The following BRINP3 variants were observed in gnomAD, a reference collection of about 807,000 sequenced individuals.
BRINP3 encodes BMP/retinoic acid inducible neural specific 3, also known as BMP/retinoic acid-inducible neural-specific protein 3.
Under a neutral mutation model 71.0 loss-of-function variants are expected in BRINP3, and 19 were observed. That is an observed-to-expected ratio of 0.27 (90% CI 0.19 to 0.39). The LOEUF (loss-of-function observed/expected upper bound fraction) is 0.39, where lower values mean the gene tolerates loss of function less well. BRINP3 is among the 10% of genes least tolerant of loss of function. The probability of loss-of-function intolerance (pLI) is 1.00; values close to 1 mark genes in which losing one functional copy is unlikely to be tolerated. For missense variants in BRINP3, 959 were observed against 940.8 expected (o/e 1.02, Z -0.25); for synonymous variants, 380 against 337.7 (o/e 1.13, Z -1.37).
At chr1:190,125,992 C>T (rs1654055626) in intron 7 of BRINP3, among the ~76,000 whole-genome samples, 2 of 119,906 alleles carry the variant, frequency 1.7e-5, no homozygotes, top group African/African-American at 6.2e-5. Flanking sequence ...TATAAAAGGC[C>T]TTCCTAACAT....
chr1:190,161,010 A>G, intron 6 of BRINP3, 120 bp from the exon 7 acceptor site: 1 of 655,008 alleles, frequency 1.5e-6, no homozygotes, highest in Non-Finnish European at 2.5e-6. Context: ...TTAAGAACAA[A>G]TAAATACAGT....
Position 190,238,064 on chromosome 1 carries a change from G to C in BRINP3, c.619-3587C>G, listed in dbSNP as rs141429485. Among the ~76,000 whole-genome samples the C allele has an allele frequency of 2.0e-5, 3 of 152,100 alleles. No individual in the cohort carries two copies. The East Asian group carries it at 5.8e-4, about 29-fold the overall frequency. On this transcript the variant is annotated intron_variant, in intron 4 of 7. Coordinates refer to ENST00000367462, the MANE Select transcript of BRINP3 (RefSeq NM_199051.3). ...AATTTGTTACTGATACCTGCATCTT[G>C]ACAAACTGCTATACCAGTTATTTAA...
chr1:190,396,510 G>A (rs7545105), intron 2 of BRINP3, among the ~76,000 whole-genome samples: 26,704 of 150,546 alleles, frequency 0.18, 2,496 homozygotes, highest in African/African-American at 0.22. Flanking sequence ...ACATTAAAAC[G>A]ACCAACTTAC....
rs561696020 is a variant in BRINP3 at position 190,244,966 on chromosome 1, G to A, written c.619-10489C>T. Among the ~76,000 whole-genome samples, 85 of 151,748 alleles carry A rather than the reference G, an allele frequency of 5.6e-4. 1 individual carries two copies. The South Asian group carries it at 0.016, about 29-fold the overall frequency. On this transcript the variant is annotated intron_variant, in intron 4 of 7. Coordinates refer to ENST00000367462, the MANE Select transcript of BRINP3 (RefSeq NM_199051.3). ...AAACTTAAAACTTTTTATTATAGCCGTTTGAAGTTTCAGCATTATCAAATA... is the reference window on the plus strand; with the variant it reads ...AAACTTAAAACTTTTTATTATAGCCATTTGAAGTTTCAGCATTATCAAATA...
intron 2 of BRINP3, among the ~76,000 whole-genome samples, chr1:190,336,244 C>A (rs1357818095): frequency 2.0e-5 from 3 of 151,832 alleles, no homozygotes; most frequent in Non-Finnish European, 4.4e-5. Context: ...GCAGTTGGTG[C>A]CTTGAGATAC....
In BRINP3 at chr1:190,263,329, C is replaced by T. The variant is rs138283407; in HGVS notation, c.618+1536G>A. On this transcript the variant is annotated intron_variant, in intron 4 of 7. Coordinates refer to ENST00000367462, the MANE Select transcript of BRINP3 (RefSeq NM_199051.3). ...ATAAATATTATTTATATACTTGTTA[C>T]TCAATATAACATTAGTCCTAGAGTC... 8.3e-3 allele frequency among the ~76,000 whole-genome samples: 1,269 copies of T among 152,210 alleles called. 9 individuals carry two copies. Among genetic ancestry groups the T allele is most frequent in the Non-Finnish European group, 0.012 (823 of 68,012 alleles).
chr1:190,294,855 G>C (rs1664133561), intron 2 of BRINP3, among the ~76,000 whole-genome samples: 1 of 151,882 alleles, frequency 6.6e-6, no homozygotes, highest in East Asian at 2.0e-4. Context: ...CCCTAGGTTT[G>C]TTGTAAGTCT....
intron 1 of BRINP3, among the ~76,000 whole-genome samples, chr1:190,457,197 T>C (rs1369035422): frequency 6.6e-6 from 1 of 152,050 alleles, no homozygotes; most frequent in Non-Finnish European, 1.5e-5. Flanking sequence ...ATCCCAGCAC[T>C]TTGGGAGGCC....
At chr1:190,371,268 C>A (rs915381177) in intron 2 of BRINP3, among the ~76,000 whole-genome samples, 1 of 152,276 alleles carries the variant, frequency 6.6e-6, no homozygotes, top group African/African-American at 2.4e-5. Flanking sequence ...GTTGCGGAGG[C>A]TTTCCTCTAA....
intron 1 of BRINP3, 66 bp from the exon 2 acceptor site, chr1:190,455,006 A>T (rs1306681653): frequency 1.4e-6 from 1 of 712,394 alleles, no homozygotes; most frequent in Non-Finnish European, 2.3e-6. Flanking sequence ...TAAGGTGTTG[A>T]GGTGGCTAAT....
At chr1:190,260,070 C>T (rs1365179990) in intron 4 of BRINP3, among the ~76,000 whole-genome samples, 1 of 132,248 alleles carries the variant, frequency 7.6e-6, no homozygotes, top group African/African-American at 2.9e-5. Flanking sequence ...TTAAGAACCA[C>T]AAAAAAAAAA....
chr1:190,329,825 G>C (rs1327776888), intron 2 of BRINP3, among the ~76,000 whole-genome samples: 1 of 151,828 alleles, frequency 6.6e-6, no homozygotes, highest in African/African-American at 2.4e-5. Flanking sequence ...TAGAAATCCA[G>C]AAATAAATCC....
intron 1 of BRINP3, chr1:190,474,589 A>G (rs1571413331): frequency 6.6e-6 from 1 of 152,602 alleles, no homozygotes. Flanking sequence ...TTGCAACCCT[A>G]GTCACCTTTT....
At chr1:190,205,131 T>C (rs1486529509) in intron 6 of BRINP3, among the ~76,000 whole-genome samples, 1 of 152,074 alleles carries the variant, frequency 6.6e-6, no homozygotes, top group African/African-American at 2.4e-5. Flanking sequence ...GTTTGTTCTG[T>C]CAGTCTTGGT....
rs182478355 is a variant in BRINP3 at position 190,247,468 on chromosome 1, G to A, written c.619-12991C>T. 2.5e-3 allele frequency among the ~76,000 whole-genome samples: 387 copies of A among 152,028 alleles called. 3 individuals carry two copies. The highest frequency in any genetic ancestry group is 6.8e-3 in the Middle Eastern group (2 of 294). On this transcript the variant is annotated intron_variant, in intron 4 of 7. Coordinates refer to ENST00000367462, the MANE Select transcript of BRINP3 (RefSeq NM_199051.3). ...CTGATGGATGAATAACTGCACAGAA[G>A]AATTGCATTTCACAGATATTGGTAC...
intron 1 of BRINP3, among the ~76,000 whole-genome samples, chr1:190,476,864 A>T (rs1677536629): frequency 6.6e-6 from 1 of 152,196 alleles, no homozygotes; most frequent in Admixed American, 6.5e-5. Flanking sequence ...TTTAAGAAAA[A>T]AAAATGGTGC....
chr1:190,358,987 A>C (rs907740349), intron 2 of BRINP3, among the ~76,000 whole-genome samples: 4 of 152,008 alleles, frequency 2.6e-5, no homozygotes, highest in African/African-American at 9.7e-5. Flanking sequence ...CAGGAAGGGG[A>C]ACATCACACA....
chr1:190,454,996 T>G, intron 1 of BRINP3, 56 bp from the exon 2 acceptor site: 1 of 828,144 alleles, frequency 1.2e-6, no homozygotes, highest in South Asian at 1.8e-5. Flanking sequence ...TTCTCTCAGT[T>G]AAGGTGTTGA....
chr1:190,380,227 A>G (rs1278262340), intron 2 of BRINP3, among the ~76,000 whole-genome samples: 1 of 152,026 alleles, frequency 6.6e-6, no homozygotes, highest in Non-Finnish European at 1.5e-5. Context: ...GAGACTTAAA[A>G]GGGTTTTTTA....
Sources: gnomAD v4.1 joint callset for allele counts (sites outside exome capture counted in the v4.1 genomes callset) on GRCh38, gnomAD v4.1.1 for gene constraint, MANE v1.5 for transcripts, NCBI Gene and HGNC (gene_info 2026-07-23, HGNC 2026-07-21) for gene names.